Variants in SCAPER observed in about 807,000 individuals in gnomAD.
SCAPER encodes S phase cyclin A-associated protein in the endoplasmic reticulum.
SCAPER carries 98 observed loss-of-function variants against 182.2 expected under a neutral mutation model. The ratio of observed to expected loss-of-function variants is 0.54; its 90% CI spans 0.46 to 0.64. The LOEUF (loss-of-function observed/expected upper bound fraction) is 0.64, where lower values mean the gene tolerates loss of function less well. SCAPER is among the 30% of genes least tolerant of loss of function. The pLI, the probability that SCAPER is intolerant of heterozygous loss-of-function variation, is 0.00. For synonymous variants in SCAPER, 605 were observed against 564.6 expected (o/e 1.07, Z -1.01); for missense variants, 1,432 against 1,690.0 (o/e 0.85, Z 2.68).
At chr15:76,482,410 T>C (rs1323008001) in intron 24 of SCAPER, among the ~76,000 whole-genome samples, 1 of 152,182 alleles carries the variant, frequency 6.6e-6, no homozygotes, top group Non-Finnish European at 1.5e-5. Context: ...TATAAGAAAC[T>C]GTAGCTAACA....
chr15:76,568,323 A>G (rs773249227), intron 23 of SCAPER, among the ~76,000 whole-genome samples: 2 of 151,524 alleles, frequency 1.3e-5, no homozygotes, highest in Non-Finnish European at 2.9e-5. Flanking sequence ...GCTTTATAAA[A>G]AGTGTTTATA....
chr15:76,891,658 T>G (rs2074175077), intron 1 of SCAPER, among the ~76,000 whole-genome samples: 1 of 151,898 alleles, frequency 6.6e-6, no homozygotes, highest in African/African-American at 2.4e-5. Flanking sequence ...CGCAACAAAA[T>G]AAAAGAGGAC....
intron 25 of SCAPER, among the ~76,000 whole-genome samples, chr15:76,467,980 C>T (rs1345428768): frequency 6.6e-6 from 1 of 152,150 alleles, no homozygotes; most frequent in East Asian, 1.9e-4. Context: ...TTATAAATAA[C>T]ACCAGATCAC....
intron 26 of SCAPER, among the ~76,000 whole-genome samples, chr15:76,413,444 G>A (rs2045434440): frequency 1.3e-5 from 2 of 152,098 alleles, no homozygotes; most frequent in Admixed American, 1.3e-4. Flanking sequence ...GATGATCTTA[G>A]TTTCCTTTTG....
intron 5 of SCAPER, among the ~76,000 whole-genome samples, chr15:76,823,053 G>A (rs1208215353): frequency 6.6e-6 from 1 of 152,128 alleles, no homozygotes; most frequent in African/African-American, 2.4e-5. Context: ...CTATAAAAAT[G>A]ATCATTTGTA....
chr15:76,796,595 T>C lies in SCAPER; in HGVS notation c.612-1155A>G, dbSNP rs1040275490. 3.3e-5 allele frequency among the ~76,000 whole-genome samples: 5 copies of C among 152,192 alleles called. No individual in the cohort carries two copies. In the South Asian group the frequency reaches 8.3e-4, roughly 25 times the overall value. Reference sequence around the variant, plus strand: ...TTCCTCAAGCTGAAACAGTGTGTTCTACGATGATAATGAAGACTGAATTAA... The same window carrying C: ...TTCCTCAAGCTGAAACAGTGTGTTCCACGATGATAATGAAGACTGAATTAA... On this transcript the variant is annotated intron_variant, in intron 7 of 31. Coordinates refer to ENST00000563290, the MANE Select transcript of SCAPER (RefSeq NM_020843.4).
At chr15:76,720,201 T>C (rs2060135237) in intron 17 of SCAPER, among the ~76,000 whole-genome samples, 1 of 151,872 alleles carries the variant, frequency 6.6e-6, no homozygotes, top group African/African-American at 2.4e-5. Context: ...GTCCTTGCGA[T>C]AGTTTGCTGA....
chr15:76,422,832 G>T (rs1262637806), intron 26 of SCAPER, among the ~76,000 whole-genome samples: 1 of 151,488 alleles, frequency 6.6e-6, no homozygotes, highest in Non-Finnish European at 1.5e-5. Context: ...AGCAGGAAGG[G>T]TTGTTGAATT....
intron 23 of SCAPER, among the ~76,000 whole-genome samples, chr15:76,509,854 T>C (rs536622611): frequency 1.9e-4 from 29 of 152,140 alleles, no homozygotes; most frequent in East Asian, 5.8e-4. Context: ...CAAAACAGCA[T>C]GGTACTGGTA....
intron 11 of SCAPER, 117 bp downstream of exon 11, chr15:76,766,801 A>G (rs369387637): frequency 2.5e-6 from 2 of 810,190 alleles, no homozygotes; most frequent in Non-Finnish European, 1.9e-6. Flanking sequence ...ACTGAACATG[A>G]TTTTTAAATA....
At chr15:76,533,605 T>C (rs754539430) in intron 23 of SCAPER, among the ~76,000 whole-genome samples, 2 of 150,096 alleles carry the variant, frequency 1.3e-5, no homozygotes, top group Non-Finnish European at 3.0e-5. Context: ...TGTCTCCCTA[T>C]TGTTGAGCAA....
chr15:76,812,597 C>T (rs954427033), intron 5 of SCAPER, among the ~76,000 whole-genome samples: 2 of 151,392 alleles, frequency 1.3e-5, no homozygotes, highest in East Asian at 1.9e-4. Flanking sequence ...GATGACTCAT[C>T]GGAAACATAA....
intron 5 of SCAPER, among the ~76,000 whole-genome samples, 200 bp downstream of exon 5, chr15:76,841,534 C>A (rs1222957401): frequency 6.6e-6 from 1 of 152,058 alleles, no homozygotes; most frequent in African/African-American, 2.4e-5. Flanking sequence ...GTAATCCCAG[C>A]TACTCAGGAG....
At chr15:76,499,976 CA>C (rs1266474172) in intron 24 of SCAPER, among the ~76,000 whole-genome samples, 1 of 152,124 alleles carries the variant, frequency 6.6e-6, no homozygotes, top group East Asian at 1.9e-4. Context: ...ATAACTACAA[CA>C]AAAAACAATG....
chr15:76,666,810 C>T (rs2056606380), intron 20 of SCAPER, among the ~76,000 whole-genome samples: 1 of 152,144 alleles, frequency 6.6e-6, no homozygotes, highest in South Asian at 2.1e-4. Context: ...CCACACACTC[C>T]CACAGCTAAA....
At position 76,776,046 on chromosome 15, in the gene SCAPER, A is replaced by G. The variant is rs183083706; in HGVS notation, c.773-929T>C. ...TCCATCTTACAATTAAAAACCCTAG[A>G]TAAAACACTGGAAGACTCTGAGAGA... On this transcript the variant is annotated intron_variant, in intron 8 of 31. Transcript: ENST00000563290. Among the ~76,000 whole-genome samples the G allele has an allele frequency of 2.3e-3, 355 of 152,276 alleles. 2 individuals are homozygous for G. Among genetic ancestry groups the G allele is most frequent in the African/African-American group, 8.1e-3 (337 of 41,550 alleles).
At chr15:76,594,045 A>T (rs1846437) in intron 22 of SCAPER, among the ~76,000 whole-genome samples, 113,368 of 118,400 alleles carry the variant, frequency 0.96, 54,903 homozygotes, top group South Asian at 1. Flanking sequence ...AAGGAGCATG[A>T]TATAACCGAA....
intron 21 of SCAPER, among the ~76,000 whole-genome samples, chr15:76,659,600 C>T (rs1254987970): frequency 2.6e-5 from 4 of 152,170 alleles, no homozygotes; most frequent in African/African-American, 4.8e-5. Context: ...AAGACAAACA[C>T]ATGGTCAACA....
chr15:76,865,405 C>A (rs1041370834), intron 2 of SCAPER, among the ~76,000 whole-genome samples: 9 of 151,874 alleles, frequency 5.9e-5, no homozygotes, highest in African/African-American at 2.2e-4. Flanking sequence ...TAACTTATTG[C>A]CTATTTAGTG....
Sources: gnomAD v4.1 joint callset for allele counts (sites outside exome capture counted in the v4.1 genomes callset) on GRCh38, gnomAD v4.1.1 for gene constraint, MANE v1.5 for transcripts, NCBI Gene and HGNC (gene_info 2026-07-23, HGNC 2026-07-21) for gene names.